Variants in TUFT1 observed in about 807,000 individuals in gnomAD.
TUFT1 encodes tuftelin.
In TUFT1, 43 loss-of-function variants were observed where a neutral mutation model predicts 57.8. The ratio of observed to expected loss-of-function variants is 0.74; its 90% CI spans 0.58 to 0.96. The LOEUF (loss-of-function observed/expected upper bound fraction) is 0.96, where lower values mean the gene tolerates loss of function less well. Ranked by LOEUF, TUFT1 falls within the 40% of genes least tolerant of loss-of-function variation. The pLI is 0.00. For missense variants in TUFT1, 459 were observed against 489.0 expected (o/e 0.94, Z 0.58); for synonymous variants, 166 against 176.7 (o/e 0.94, Z 0.48).
At chr1:151,545,753 C>A (rs1197825675) in intron 1 of TUFT1, 1 of 502,236 alleles carries the variant, frequency 2.0e-6, no homozygotes, top group Admixed American at 2.0e-5. Context: ...AGTGGAGAGT[C>A]CCAGGGGTGA....
At chr1:151,577,062 C>T (rs1304097098) in intron 9 of TUFT1, among the ~76,000 whole-genome samples, 1 of 152,192 alleles carries the variant, frequency 6.6e-6, no homozygotes, top group East Asian at 1.9e-4. Flanking sequence ...TCATGAGCCA[C>T]TGCCCCTGGC....
At chr1:151,578,155 C>T (rs1666537852) in intron 9 of TUFT1, among the ~76,000 whole-genome samples, 1 of 152,104 alleles carries the variant, frequency 6.6e-6, no homozygotes, top group South Asian at 2.1e-4. Flanking sequence ...GAAAGTCTTT[C>T]CTGTGTTAAT....
intron 1 of TUFT1, among the ~76,000 whole-genome samples, chr1:151,561,001 T>TGA (rs1470416258): frequency 1.9e-4 from 25 of 129,982 alleles, no homozygotes; most frequent in African/African-American, 5.0e-4. Flanking sequence ...TGTGTGTGTG[T>TGA]GTGAGTGTTT....
In TUFT1 at chr1:151,583,549, C is replaced by T. The variant is rs539160997; in HGVS notation, c.*1842C>T. 8 of 152,192 alleles carry T rather than the reference C, an allele frequency of 5.3e-5. No individual in the cohort carries two copies. Among genetic ancestry groups the T allele is most frequent in the Admixed American group, 1.3e-4 (2 of 15,274 alleles). 9.4% of individuals were successfully genotyped at this position (152,192 alleles called of 1,614,324 possible). ...TGTCTGTGGCATATTCTTTGTATGG[C>T]GAATTTAATAAATTATATTAATGTG... On this transcript the variant is annotated 3_prime_UTR_variant, in exon 13 of 13. Coordinates refer to ENST00000368849, the MANE Select transcript of TUFT1 (RefSeq NM_020127.3).
chr1:151,547,794 T>C lies in TUFT1; in HGVS notation c.60+7368T>C, dbSNP rs115910093. 2.1e-3 allele frequency among the ~76,000 whole-genome samples: 318 copies of C among 152,204 alleles called. 7 individuals carry two copies. Among genetic ancestry groups the C allele is most frequent in the African/African-American group, 7.4e-3 (306 of 41,512 alleles). ...TAGCAAGTGGGTGTCTCCTTCAGAG[T>C]TGGTTCAGGAGCTCACTTCCCTCTA... On this transcript the variant is annotated intron_variant, in intron 1 of 12. Coordinates refer to ENST00000368849, the MANE Select transcript of TUFT1 (RefSeq NM_020127.3).
chr1:151,552,963 A>G (rs1665558384), intron 1 of TUFT1, among the ~76,000 whole-genome samples: 1 of 152,220 alleles, frequency 6.6e-6, no homozygotes, highest in Non-Finnish European at 1.5e-5. Flanking sequence ...CTGAGAGACT[A>G]AATGGGGAAA....
Position 151,569,702 on chromosome 1 carries a change from G to T in TUFT1, c.526G>T (p.Val176Leu). The T allele has an allele frequency of 1.2e-6, 2 of 1,614,080 alleles. No individual in the cohort carries two copies. Among genetic ancestry groups the T allele is most frequent in the South Asian group, 1.1e-5 (1 of 91,074 alleles). The change falls in exon 7 of 13, where the codon GTG becomes TTG. Residue 176 changes from valine to leucine, a missense_variant. Physicochemically the swap from Val to Leu is conservative, Grantham distance 32. Coordinates refer to ENST00000368849, the MANE Select transcript of TUFT1 (RefSeq NM_020127.3). Reference sequence around the variant, plus strand: ...GGATGTTGAGAGCTTGAGGAAGACGGTGCAGGACTTGCTGGCCAAGCTTCA... The same window carrying T: ...GGATGTTGAGAGCTTGAGGAAGACGTTGCAGGACTTGCTGGCCAAGCTTCA... ...NEDVESLRKTVQDLLAKLQEA... is the reference protein window; with the variant it reads ...NEDVESLRKTLQDLLAKLQEA...
At chr1:151,575,402 T>A (rs1224505201) in intron 9 of TUFT1, among the ~76,000 whole-genome samples, 2 of 151,992 alleles carry the variant, frequency 1.3e-5, no homozygotes, top group Non-Finnish European at 2.9e-5. Flanking sequence ...TAAAATTGAT[T>A]AACAGTCATG....
chr1:151,547,623 G>A (rs1299599710), intron 1 of TUFT1, among the ~76,000 whole-genome samples: 3 of 152,200 alleles, frequency 2.0e-5, no homozygotes, highest in Admixed American at 1.3e-4. Context: ...GGGTCTGGGA[G>A]CACAGAAGCA....
Position 151,582,019 on chromosome 1 carries a change from T to C in TUFT1, c.*312T>C, listed in dbSNP as rs1666660689. 1 of 575,290 alleles carries C rather than the reference T, an allele frequency of 1.7e-6. No individual in the cohort carries two copies. The highest frequency in any genetic ancestry group is 3.3e-6 in the Non-Finnish European group (1 of 305,436). 35.6% of individuals were successfully genotyped at this position (575,290 alleles called of 1,614,324 possible). On this transcript the variant is annotated 3_prime_UTR_variant, in exon 13 of 13. Coordinates refer to ENST00000368849, the MANE Select transcript of TUFT1 (RefSeq NM_020127.3). ...GCCTCCCTTCTGTTGTAGACTGGACTCTGGCTGTGCCATAAGCCAGGCCTT... is the reference window on the plus strand; with the variant it reads ...GCCTCCCTTCTGTTGTAGACTGGACCCTGGCTGTGCCATAAGCCAGGCCTT...
In TUFT1 at chr1:151,564,589, A is replaced by T. The variant is rs1312584539; in HGVS notation, c.389A>T (p.Asp130Val). ...ISSKLDRNLG[D>V]SLHRQEIQVV... is the part of the protein sequence containing the mutation. ...AGCAAGCTTGACAGGAACCTAGGAGATTCTCTCCATCGACAGGAGATACAG... is the reference window on the plus strand; with the variant it reads ...AGCAAGCTTGACAGGAACCTAGGAGTTTCTCTCCATCGACAGGAGATACAG... The change falls in exon 5 of 13, where the codon GAT becomes GTT. Residue 130 changes from aspartate to valine, a missense_variant. Asp to Val is a radical substitution (Grantham distance 152). Coordinates refer to ENST00000368849, the MANE Select transcript of TUFT1 (RefSeq NM_020127.3). The T allele has an allele frequency of 6.2e-7, 1 of 1,614,032 alleles. No individual in the cohort carries two copies. Among genetic ancestry groups the T allele is most frequent in the Non-Finnish European group, 8.5e-7 (1 of 1,179,972 alleles).
chr1:151,568,028 A>G (rs937764806), intron 6 of TUFT1, among the ~76,000 whole-genome samples: 1 of 152,180 alleles, frequency 6.6e-6, no homozygotes, highest in Non-Finnish European at 1.5e-5. Context: ...CCCGAATGCA[A>G]ATATATATTT....
At chr1:151,554,151 T>C (rs1376995643) in intron 1 of TUFT1, among the ~76,000 whole-genome samples, 1 of 152,218 alleles carries the variant, frequency 6.6e-6, no homozygotes, top group Non-Finnish European at 1.5e-5. Context: ...TAACATCTTA[T>C]GTCACCATGG....
chr1:151,548,830 A>AC (rs1278846286), intron 1 of TUFT1, among the ~76,000 whole-genome samples: 1 of 152,134 alleles, frequency 6.6e-6, no homozygotes, highest in East Asian at 1.9e-4. Flanking sequence ...AGTCCTAGTG[A>AC]CCCCTGTAAA....
chr1:151,569,799 C>T (rs1336516813), intron 7 of TUFT1, 29 bp downstream of exon 7: 16 of 1,571,962 alleles, frequency 1.0e-5, no homozygotes, highest in Non-Finnish European at 1.4e-5. Flanking sequence ...GGAGAAGGTG[C>T]CCTAAGGGAT....
intron 12 of TUFT1, 52 bp downstream of exon 12, chr1:151,581,094 G>C: frequency 2.6e-6 from 4 of 1,520,090 alleles, no homozygotes; most frequent in Non-Finnish European, 3.6e-6. Flanking sequence ...GGAGAAGGAG[G>C]GACAGAGCTC....
At chr1:151,561,469 G>GCACACACACACACACA (rs1227384938) in intron 1 of TUFT1, 1 of 307,854 alleles carries the variant, frequency 3.2e-6, no homozygotes, top group African/African-American at 2.6e-5. Context: ...ATGCGCGCGC[G>GCACACACACACACACA]CGCGCACACA....
At chr1:151,545,629 G>A (rs1297948855) in intron 1 of TUFT1, among the ~76,000 whole-genome samples, 1 of 152,222 alleles carries the variant, frequency 6.6e-6, no homozygotes, top group Non-Finnish European at 1.5e-5. Context: ...CCAAGGGATG[G>A]AGGAAGAGTC....
chr1:151,558,348 C>T (rs1362499001), intron 1 of TUFT1, among the ~76,000 whole-genome samples: 1 of 151,476 alleles, frequency 6.6e-6, no homozygotes, highest in Non-Finnish European at 1.5e-5. Context: ...GAGAAAATAA[C>T]CTTTGAGGGA....
Sources: allele counts gnomAD v4.1 joint callset (sites outside exome capture counted in the v4.1 genomes callset), GRCh38; gene constraint gnomAD v4.1.1; transcripts MANE v1.5; gene names NCBI Gene and HGNC (gene_info 2026-07-23, HGNC 2026-07-21).